DOCK1: variants seen among roughly 807,000 people sequenced by gnomAD.
The protein encoded by DOCK1 is dedicator of cytokinesis 1.
In DOCK1, 138 loss-of-function variants were observed where a neutral mutation model predicts 262.7. That is an observed-to-expected ratio of 0.53 (90% CI 0.46 to 0.61). The LOEUF (loss-of-function observed/expected upper bound fraction) is 0.61. DOCK1 is among the 20% of genes least tolerant of loss of function. The pLI is 0.00. For missense variants in DOCK1, 1,908 were observed against 2,370.7 expected (o/e 0.80, Z 4.05); for synonymous variants, 866 against 867.4 (o/e 1.00, Z 0.03).
intron 29 of DOCK1, among the ~76,000 whole-genome samples, chr10:127,297,277 T>C (rs2061534795): frequency 6.6e-6 from 1 of 152,154 alleles, no homozygotes; most frequent in Admixed American, 6.5e-5. Context: ...TAGGATAAGC[T>C]AACCTGTGGG....
chr10:127,185,566 A>G (rs1478271250), intron 27 of DOCK1, among the ~76,000 whole-genome samples: 2 of 152,220 alleles, frequency 1.3e-5, no homozygotes, highest in East Asian at 3.9e-4. Flanking sequence ...TACAGCAAGA[A>G]GACTTAGGAT....
chr10:127,447,177 T>C (rs1375158820), intron 50 of DOCK1, among the ~76,000 whole-genome samples: 1 of 152,250 alleles, frequency 6.6e-6, no homozygotes, highest in Non-Finnish European at 1.5e-5. Flanking sequence ...CGTGTGATAC[T>C]TGCTATTCTC....
chr10:127,225,402 C>T (rs1278280876), intron 27 of DOCK1, among the ~76,000 whole-genome samples: 2 of 152,220 alleles, frequency 1.3e-5, no homozygotes, highest in Non-Finnish European at 2.9e-5. Context: ...ACCTGGCTTG[C>T]GAGCCTTGAT....
chr10:127,029,386 G>T (rs774335698), intron 16 of DOCK1, among the ~76,000 whole-genome samples: 3 of 152,240 alleles, frequency 2.0e-5, no homozygotes, highest in Admixed American at 1.3e-4. Flanking sequence ...CAAGTGATGG[G>T]ATTTCTCACC....
Position 127,439,025 on chromosome 10 carries a change from A to G in DOCK1, c.5061-2A>G. The G allele has an allele frequency of 1.9e-6, 3 of 1,549,074 alleles. No homozygotes were observed. The highest frequency in any genetic ancestry group is 2.6e-6 in the Non-Finnish European group (3 of 1,146,116). ...TTAAGACGTCATTGACCTTTCCTTT[A>G]GGTTTGCCCTGGAGCCTCTCCTGCC... is the stretch of plus-strand genomic sequence containing the variant. On this transcript the variant is annotated splice_acceptor_variant, in intron 48 of 51. Transcript: ENST00000623213. LOFTEE classifies it high-confidence loss of function.
intron 27 of DOCK1, among the ~76,000 whole-genome samples, chr10:127,183,109 T>C (rs2055893104): frequency 6.6e-6 from 1 of 150,684 alleles, no homozygotes; most frequent in African/African-American, 2.4e-5. Flanking sequence ...CTAAACAGCA[T>C]GTTTTGACTC....
rs1449913047 is a variant in DOCK1, at chr10:127,186,521, CCCCG to C, written c.2847+58758_2847+58761del. Among the ~76,000 whole-genome samples the C allele has an allele frequency of 2.2e-4, 19 of 84,902 alleles. 1 individual carries two copies. Among genetic ancestry groups the C allele is most frequent in the East Asian group, 1.6e-3 (5 of 3,036 alleles). 55.7% of individuals were successfully genotyped at this position (84,902 alleles called of 152,430 possible). On this transcript the variant is annotated intron_variant, in intron 27 of 51. Transcript: ENST00000623213. ...TGGGAGAAACCGCCCCCCCGCCCCC[CCCCG>C]ATCCAGTTACCTCCACCCAGTTCCA...
chr10:127,187,243 C>T (rs1353723537), intron 27 of DOCK1, among the ~76,000 whole-genome samples: 1 of 152,200 alleles, frequency 6.6e-6, no homozygotes, highest in African/African-American at 2.4e-5. Flanking sequence ...CCAGCACCTC[C>T]TTGGAACAGA....
Position 127,090,808 on chromosome 10 carries a change from A to G in DOCK1, c.2446-15423A>G, listed in dbSNP as rs187824996. Among the ~76,000 whole-genome samples, 45 of 152,218 alleles carry G rather than the reference A, an allele frequency of 3.0e-4. 1 individual carries two copies. The East Asian group carries it at 3.1e-3, about 11-fold the overall frequency. On this transcript the variant is annotated intron_variant, in intron 23 of 51. Coordinates refer to ENST00000623213, the MANE Select transcript of DOCK1 (RefSeq NM_001290223.2). ...CTTAGTATATTCTCAGGGTTCATCC[A>G]TGTGTTGGCACCCCATTACTGTTCA...
intron 1 of DOCK1, among the ~76,000 whole-genome samples, chr10:126,911,776 TAATG>T (rs1199643285): frequency 6.6e-6 from 1 of 152,148 alleles, no homozygotes; most frequent in East Asian, 1.9e-4. Context: ...AGGAACTAAT[TAATG>T]TATCTTAAGG....
At chr10:126,974,218 G>A (rs182919765) in intron 2 of DOCK1, among the ~76,000 whole-genome samples, 25 of 152,228 alleles carry the variant, frequency 1.6e-4, no homozygotes, top group African/African-American at 5.3e-4. Flanking sequence ...CTGTCGACTC[G>A]TTTCCATAGG....
chr10:127,198,179 GCCTGGGAAGGGA>G (rs2057301505), intron 27 of DOCK1, among the ~76,000 whole-genome samples: 1 of 152,216 alleles, frequency 6.6e-6, no homozygotes, highest in South Asian at 2.1e-4. Flanking sequence ...CCTGGAAGGG[GCCTGGGAAGGGA>G]ATGTATAGGA....
chr10:127,279,331 C>A (rs1197343138), intron 29 of DOCK1, among the ~76,000 whole-genome samples: 1 of 152,188 alleles, frequency 6.6e-6, no homozygotes, highest in Admixed American at 6.5e-5. Context: ...CATAAGAGGG[C>A]AGGTCATATG....
chr10:127,088,384 A>G (rs1470481545), intron 23 of DOCK1, among the ~76,000 whole-genome samples: 2 of 152,210 alleles, frequency 1.3e-5, no homozygotes, highest in Non-Finnish European at 2.9e-5. Flanking sequence ...TGTGTTAGAT[A>G]TACCCTTAGA....
intron 24 of DOCK1, among the ~76,000 whole-genome samples, chr10:127,109,563 C>T (rs1410293142): frequency 6.6e-6 from 1 of 152,100 alleles, no homozygotes; most frequent in African/African-American, 2.4e-5. Flanking sequence ...CCCAGGTAAC[C>T]CCGAATCTCT....
chr10:126,999,213 T>C (rs958198269), intron 8 of DOCK1, 141 bp from the exon 9 acceptor site: 3 of 630,334 alleles, frequency 4.8e-6, no homozygotes, highest in Admixed American at 3.0e-5. Context: ...AGTAGCTGTA[T>C]GTGATACTTT....
chr10:126,963,622 TC>T lies in DOCK1; in HGVS notation c.47-7077del, dbSNP rs1164206104. 8.1e-4 allele frequency among the ~76,000 whole-genome samples: 47 copies of T among 58,204 alleles called. 1 individual carries two copies. The highest frequency in any genetic ancestry group is 0.013 in the Middle Eastern group (1 of 76). The allele number at this position is 58,204 out of a possible 152,430, so 38.2% of individuals were successfully genotyped here. ...TCCCTTCCCTTCCCTTCCCTTCCCT[TC>T]CCTTCCCTTCCCTTCCCTCCTTCCT... On this transcript the variant is annotated intron_variant, in intron 1 of 51. Transcript: ENST00000623213.
chr10:127,290,804 A>T, intron 29 of DOCK1, among the ~76,000 whole-genome samples: 1 of 152,176 alleles, frequency 6.6e-6, no homozygotes, highest in East Asian at 1.9e-4. Flanking sequence ...ATATGGATAT[A>T]GCATAATTAT....
chr10:127,111,981 A>G (rs2048893988), intron 25 of DOCK1, among the ~76,000 whole-genome samples: 1 of 151,968 alleles, frequency 6.6e-6, no homozygotes, highest in South Asian at 2.1e-4. Context: ...GTTTCTTTGA[A>G]TAAGGATGTA....
Sources: gnomAD v4.1 joint callset for allele counts (sites outside exome capture counted in the v4.1 genomes callset) on GRCh38, gnomAD v4.1.1 for gene constraint, MANE v1.5 for transcripts, NCBI Gene and HGNC (gene_info 2026-07-23, HGNC 2026-07-21) for gene names.